Variants in SNN observed in about 807,000 individuals in gnomAD.
SNN encodes stannin.
In SNN, 5 loss-of-function variants were observed where a neutral mutation model predicts 5.3. That is an observed-to-expected ratio of 0.94 (90% confidence interval 0.49 to 1.97). SNN has a LOEUF of 1.97. SNN is among the 30% of genes most tolerant of loss of function. The pLI is 0.01. For missense variants in SNN, 127 were observed against 121.6 expected (o/e 1.04, Z -0.21); for synonymous variants, 67 against 52.1 (o/e 1.29, Z -1.24).
In SNN at chr16:11,678,534, A is replaced by G. The variant is rs1454174641; in HGVS notation, c.*2208A>G. 4 of 167,018 alleles carry G rather than the reference A, an allele frequency of 2.4e-5. No individual in the cohort carries two copies. The highest frequency in any genetic ancestry group is 5.9e-5 in the Non-Finnish European group (4 of 68,180). 10.3% of individuals were successfully genotyped at this position (167,018 alleles called of 1,614,324 possible). ...GTGAAGTTTCGGTTTTGAAGTGATT[A>G]AATGTCACTTCCTCATCAGTTTCAC... On this transcript the variant is annotated 3_prime_UTR_variant, in exon 2 of 2. Coordinates refer to ENST00000329565, the MANE Select transcript of SNN (RefSeq NM_003498.6).
chr16:11,673,032 C>A lies in SNN; in HGVS notation c.-85-2943C>A, dbSNP rs1455262737. Among the ~76,000 whole-genome samples, 3 of 152,148 alleles carry A rather than the reference C, an allele frequency of 2.0e-5. No individual in the cohort carries two copies. The South Asian group carries it at 6.2e-4, about 32-fold the overall frequency. On this transcript the variant is annotated intron_variant, in intron 1 of 1. Coordinates refer to ENST00000329565, the MANE Select transcript of SNN (RefSeq NM_003498.6). ...CTGACTTGTCTTCCTGTCCAGAAAC[C>A]CCAGGGGAGGGCAGGCACCCCAGCA...
Position 11,679,079 on chromosome 16 carries a change from C to T in SNN, c.*2753C>T. On this transcript the variant is annotated 3_prime_UTR_variant, in exon 2 of 2. Transcript: ENST00000329565. This position sits in a 1 kb window ranked among gnomAD's most constrained non-coding sequence, Gnocchi z 4.6. ...CAATAAATGCTGAATGACATTCAAG[C>T]TGATTTTCTAGACCACTGAGAAAAT... 8.9e-7 allele frequency: 1 copy of T among 1,121,210 alleles called. No individual in the cohort carries two copies. Among genetic ancestry groups the T allele is most frequent in the Non-Finnish European group, 1.3e-6 (1 of 795,564 alleles). 69.5% of individuals were successfully genotyped at this position (1,121,210 alleles called of 1,614,324 possible).
intron 1 of SNN, among the ~76,000 whole-genome samples, chr16:11,675,259 T>C (rs1364394380): frequency 2.3e-5 from 3 of 129,008 alleles, no homozygotes; most frequent in East Asian, 4.1e-4. Context: ...TTTTTTTTTC[T>C]TTTTTTTTTT....
At position 11,676,385 on chromosome 16, in the gene SNN, A is replaced by G. The variant is rs1284915432; in HGVS notation, c.*59A>G. ...CCGGCCAAGAGGCGCTGGGAGGGGC[A>G]AAACCATACGGATGCGCTGCTGTCT... On this transcript the variant is annotated 3_prime_UTR_variant, in exon 2 of 2. Transcript: ENST00000329565. 1.3e-6 allele frequency: 2 copies of G among 1,556,784 alleles called. No homozygotes were observed. The highest frequency in any genetic ancestry group is 2.3e-5 in the East Asian group (1 of 43,236).
At chr16:11,675,609 C>T (rs757362124) in intron 1 of SNN, among the ~76,000 whole-genome samples, 5 of 152,176 alleles carry the variant, frequency 3.3e-5, no homozygotes, top group South Asian at 2.1e-4. Context: ...ATTAGGAGGC[C>T]CCAGTTGCCC....
In SNN at chr16:11,676,163, A is replaced by G. The variant is rs1309346202; in HGVS notation, c.104A>G (p.Tyr35Cys). The G allele has an allele frequency of 2.5e-6, 4 of 1,614,154 alleles. No individual in the cohort carries two copies. The Admixed American group carries it at 5.0e-5, about 20-fold the overall frequency. The change falls in exon 2 of 2, where the codon TAC (tyrosine) becomes TGC (cysteine). Residue 35 changes from tyrosine (Y) to cysteine (C), a missense_variant. Coordinates refer to ENST00000329565, the MANE Select transcript of SNN (RefSeq NM_003498.6). ...LGALILGCWC[Y>C]LRLQRISQSE... is the part of the protein sequence containing the mutation. ...GCCTTGATCCTGGGCTGCTGGTGCT[A>G]CCTGCGGCTGCAGCGCATCAGCCAG...
At position 11,678,094 on chromosome 16, in the gene SNN, A is replaced by G. The variant is rs1340119622; in HGVS notation, c.*1768A>G. The stretch of plus-strand genomic sequence containing the variant: ...GAGACCTTAGGAAGCAGGAGAGGCA[A>G]CACCTCTGGCTACTGATGGTGTGGC... On this transcript the variant is annotated 3_prime_UTR_variant, in exon 2 of 2. Transcript: ENST00000329565. The G allele has an allele frequency of 1.2e-5, 2 of 167,054 alleles. No homozygotes were observed. The allele number at this position is 167,054 out of a possible 1,614,324, so 10.3% of individuals were successfully genotyped here. A position where few individuals can be genotyped will look rare whatever the true frequency, so the allele number is the denominator to read the frequency against.
In SNN at chr16:11,675,005, G is replaced by A. The variant is rs949629367; in HGVS notation, c.-85-970G>A. Among the ~76,000 whole-genome samples, 8 of 152,182 alleles carry A rather than the reference G, an allele frequency of 5.3e-5. No homozygotes were observed. The South Asian group carries it at 6.2e-4, about 12-fold the overall frequency. On this transcript the variant is annotated intron_variant, in intron 1 of 1. Transcript: ENST00000329565. The stretch of plus-strand genomic sequence containing the variant: ...TCCCAAGTGCCTGTCTCCATCTCCC[G>A]GGACACTCTACCCTGTTGCTTCCTT...
rs939797309 is a variant in SNN at position 11,668,736 on chromosome 16, G to A, written c.-86+196G>A. On this transcript the variant is annotated intron_variant, in intron 1 of 1. Coordinates refer to ENST00000329565, the MANE Select transcript of SNN (RefSeq NM_003498.6). This position sits in a 1 kb window ranked among gnomAD's most constrained non-coding sequence, Gnocchi z 6.8. ...TCCAGGGGCCGCGCCCGCGGGCTGG[G>A]GTTCTTTGTCAGCGGCGCTGCGGCG... is the stretch of plus-strand genomic sequence containing the variant. 4.6e-4 allele frequency among the ~76,000 whole-genome samples: 69 copies of A among 150,076 alleles called. No homozygotes were observed. Among genetic ancestry groups the A allele is most frequent in the African/African-American group, 1.6e-3 (67 of 41,146 alleles).
In SNN at chr16:11,672,944, C is replaced by G. The variant is rs1182828842; in HGVS notation, c.-85-3031C>G. The stretch of plus-strand genomic sequence containing the variant: ...GGTCCTGGTGCCATTGTTTGATTTT[C>G]TACTTCCTGTCCCTGAACCACCCCC... On this transcript the variant is annotated intron_variant, in intron 1 of 1. Transcript: ENST00000329565. This position sits in a 1 kb window ranked among gnomAD's most constrained non-coding sequence, Gnocchi z 6.0. Among the ~76,000 whole-genome samples, 9 of 152,188 alleles carry G rather than the reference C, an allele frequency of 5.9e-5. No individual in the cohort carries two copies. The highest frequency in any genetic ancestry group is 4.6e-4 in the Admixed American group (7 of 15,276).
intron 1 of SNN, among the ~76,000 whole-genome samples, chr16:11,674,742 C>T (rs1384987898): frequency 6.6e-6 from 1 of 152,230 alleles, no homozygotes; most frequent in Non-Finnish European, 1.5e-5. Context: ...GAGCCTTAGC[C>T]CTCACCGTGC....
chr16:11,675,871 T>C, intron 1 of SNN, 104 bp from the exon 2 acceptor site: 1 of 609,216 alleles, frequency 1.6e-6, no homozygotes, highest in Non-Finnish European at 2.8e-6. Context: ...CCGGCCAGCA[T>C]GCTTTTTGTC....
At chr16:11,675,644 C>CT (rs1280933944) in intron 1 of SNN, among the ~76,000 whole-genome samples, 2 of 152,220 alleles carry the variant, frequency 1.3e-5, no homozygotes, top group South Asian at 2.1e-4. Context: ...GTCATGAACA[C>CT]TGAGTTGGGG....
At position 11,674,748 on chromosome 16, in the gene SNN, C is replaced by T. The variant is rs147232746; in HGVS notation, c.-85-1227C>T. On this transcript the variant is annotated intron_variant, in intron 1 of 1. Coordinates refer to ENST00000329565, the MANE Select transcript of SNN (RefSeq NM_003498.6). Reference sequence around the variant, plus strand: ...CTGCCTTCAGAGCCTTAGCCCTCACCGTGCCCCCTGCCAGGAACACTATTC... The same window carrying T: ...CTGCCTTCAGAGCCTTAGCCCTCACTGTGCCCCCTGCCAGGAACACTATTC... Among the ~76,000 whole-genome samples, 731 of 152,336 alleles carry T rather than the reference C, an allele frequency of 4.8e-3. 8 individuals are homozygous for T. Among genetic ancestry groups the T allele is most frequent in the African/African-American group, 0.017 (693 of 41,572 alleles).
rs7187222 is a variant in SNN, at chr16:11,670,773, G to A, written c.-86+2233G>A. Among the ~76,000 whole-genome samples the A allele has an allele frequency of 6.9e-3, 1,044 of 152,312 alleles. 15 individuals are homozygous for A. Among genetic ancestry groups the A allele is most frequent in the African/African-American group, 0.023 (937 of 41,584 alleles). On this transcript the variant is annotated intron_variant, in intron 1 of 1. Coordinates refer to ENST00000329565, the MANE Select transcript of SNN (RefSeq NM_003498.6). ...CTCTACTGCGGTCTGTGGGCCCCCCGGGCCTAGAGCACATGGAGTGGCCTC... is the reference window on the plus strand; with the variant it reads ...CTCTACTGCGGTCTGTGGGCCCCCCAGGCCTAGAGCACATGGAGTGGCCTC...
At chr16:11,675,891 G>A (rs1002166525) in intron 1 of SNN, 84 bp from the exon 2 acceptor site, 7 of 680,570 alleles carry the variant, frequency 1.0e-5, no homozygotes, top group Non-Finnish European at 1.4e-5. Flanking sequence ...CAGGGTGAGG[G>A]TGGGATGGGC....
At position 11,672,595 on chromosome 16, in the gene SNN, C is replaced by G. The variant is rs1275199861; in HGVS notation, c.-85-3380C>G. Among the ~76,000 whole-genome samples the G allele has an allele frequency of 1.3e-5, 2 of 152,158 alleles. No homozygotes were observed. Among genetic ancestry groups the G allele is most frequent in the African/African-American group, 4.8e-5 (2 of 41,418 alleles). On this transcript the variant is annotated intron_variant, in intron 1 of 1. Coordinates refer to ENST00000329565, the MANE Select transcript of SNN (RefSeq NM_003498.6). This position sits in a 1 kb window ranked among gnomAD's most constrained non-coding sequence, Gnocchi z 6.0. ...TCACATTTTTGCAAAGATCGTTTCT[C>G]AGGAAACATTTGCTGAGTGAATGAA... is the stretch of plus-strand genomic sequence containing the variant.
rs2050265451 is a variant in SNN at position 11,671,449 on chromosome 16, GCTGGGCTCCCCT to G, written c.-86+2920_-86+2931del. ...TGCACTTGGAAGACCCCTTGGCTCTGCTGGGCTCCCCTCTGGGCTCCCATCCTGCCTTCTGGC... is the reference window on the plus strand; with the variant it reads ...TGCACTTGGAAGACCCCTTGGCTCTGCTGGGCTCCCATCCTGCCTTCTGGC... On this transcript the variant is annotated intron_variant, in intron 1 of 1. Transcript: ENST00000329565. This position sits in a 1 kb window ranked among gnomAD's most constrained non-coding sequence, Gnocchi z 4.7. Among the ~76,000 whole-genome samples, 1 of 152,286 alleles carries G rather than the reference GCTGGGCTCCCCT, an allele frequency of 6.6e-6. No homozygotes were observed. The highest frequency in any genetic ancestry group is 1.9e-4 in the East Asian group (1 of 5,186).
At chr16:11,670,046 T>G (rs1456477904) in intron 1 of SNN, among the ~76,000 whole-genome samples, 1 of 152,222 alleles carries the variant, frequency 6.6e-6, no homozygotes, top group Non-Finnish European at 1.5e-5. Flanking sequence ...TCCCACTGGC[T>G]GCTGGAGGCC....
Sources: allele counts gnomAD v4.1 joint callset (sites outside exome capture counted in the v4.1 genomes callset), GRCh38; gene constraint gnomAD v4.1.1; non-coding constraint Gnocchi (gnomAD v3.1); transcripts MANE v1.5; gene names NCBI Gene and HGNC (gene_info 2026-07-23, HGNC 2026-07-21).